The following ABAT variants were observed in gnomAD, a reference collection of about 807,000 sequenced individuals.
ABAT encodes 4-aminobutyrate aminotransferase, mitochondrial.
Under a neutral mutation model 64.6 loss-of-function variants are expected in ABAT, and 45 were observed. That is an observed-to-expected ratio of 0.70 (90% CI 0.55 to 0.89). The LOEUF (loss-of-function observed/expected upper bound fraction) is 0.89, where lower values mean the gene tolerates loss of function less well. Ranked by LOEUF, ABAT falls within the 40% of genes least tolerant of loss-of-function variation. The pLI is 0.00. For synonymous variants in ABAT, 297 were observed against 250.5 expected (o/e 1.19, Z -1.75); for missense variants, 633 against 658.4 (o/e 0.96, Z 0.42).
intron 9 of ABAT, 84 bp downstream of exon 9, chr16:8,766,354 C>A: frequency 7.2e-7 from 1 of 1,398,040 alleles, no homozygotes; most frequent in Non-Finnish European, 1.0e-6. Flanking sequence ...CTGGCACTGT[C>A]CTCAATTAGG....
intron 2 of ABAT, among the ~76,000 whole-genome samples, chr16:8,743,310 G>A (rs1354147515): frequency 1.7e-5 from 1 of 58,804 alleles, no homozygotes; most frequent in African/African-American, 8.2e-5. Context: ...CTATCTGCAT[G>A]TGTGTCTCTG....
chr16:8,711,411 G>A (rs967599903), intron 1 of ABAT, among the ~76,000 whole-genome samples: 8 of 152,152 alleles, frequency 5.3e-5, no homozygotes, highest in East Asian at 1.9e-4. Flanking sequence ...GTCAAATTCC[G>A]TGGCGTGGTG....
chr16:8,763,600 C>T (rs1415848549), intron 6 of ABAT, among the ~76,000 whole-genome samples: 1 of 152,198 alleles, frequency 6.6e-6, no homozygotes, highest in Non-Finnish European at 1.5e-5. Context: ...GAAAAGGTTT[C>T]ACCATGTTGG....
intron 1 of ABAT, among the ~76,000 whole-genome samples, chr16:8,704,523 A>T (rs1358030954): frequency 6.6e-6 from 1 of 152,268 alleles, no homozygotes; most frequent in East Asian, 1.9e-4. Context: ...AAAGGTGGCA[A>T]CAAATAGACG....
At position 8,781,088 on chromosome 16, in the gene ABAT, A is replaced by G. The variant is rs1279173608; in HGVS notation, c.1382-221A>G. 1.3e-5 allele frequency among the ~76,000 whole-genome samples: 2 copies of G among 152,142 alleles called. No homozygotes were observed. Among genetic ancestry groups the G allele is most frequent in the Non-Finnish European group, 2.9e-5 (2 of 68,026 alleles). On this transcript the variant is annotated intron_variant, in intron 15 of 15. Transcript: ENST00000268251. This position sits in a 1 kb window ranked among gnomAD's most constrained non-coding sequence, Gnocchi z 4.5. ...AGGAAGTGTGGAGGGAAGGAAAGGAAGAAGAGAATGATGGAGGAGATGAAT... is the reference window on the plus strand; with the variant it reads ...AGGAAGTGTGGAGGGAAGGAAAGGAGGAAGAGAATGATGGAGGAGATGAAT...
intron 5 of ABAT, among the ~76,000 whole-genome samples, chr16:8,755,753 A>G (rs941363127): frequency 7.6e-5 from 10 of 131,768 alleles, no homozygotes; most frequent in Non-Finnish European, 1.7e-4. Context: ...TCTACTAAAA[A>G]TACAAAAAAA....
At chr16:8,746,702 ACT>A (rs1201616930) in intron 3 of ABAT, among the ~76,000 whole-genome samples, 17 of 150,772 alleles carry the variant, frequency 1.1e-4, no homozygotes, top group Admixed American at 6.6e-5. Context: ...GCAGAGCAAG[ACT>A]CTGTCTCAAA....
intron 11 of ABAT, among the ~76,000 whole-genome samples, chr16:8,771,093 C>T (rs969337483): frequency 6.6e-6 from 1 of 151,970 alleles, no homozygotes; most frequent in African/African-American, 2.4e-5. Flanking sequence ...GTCAGGAGTT[C>T]AAGAGCAGCC....
At chr16:8,703,834 T>G (rs2057880960) in intron 1 of ABAT, among the ~76,000 whole-genome samples, 2 of 152,250 alleles carry the variant, frequency 1.3e-5, no homozygotes, top group African/African-American at 4.8e-5. Context: ...GTGGGCCATG[T>G]GGTTTCTCTT....
chr16:8,746,192 T>C (rs1218784190), intron 3 of ABAT, 94 bp downstream of exon 3: 1 of 914,264 alleles, frequency 1.1e-6, no homozygotes, highest in East Asian at 2.6e-5. Context: ...CTGTATTGAT[T>C]GTCAGCTGCT....
intron 1 of ABAT, among the ~76,000 whole-genome samples, chr16:8,710,055 C>A (rs186364725): frequency 6.6e-6 from 1 of 151,978 alleles, no homozygotes. Context: ...TCAAGGAATC[C>A]GCCCACTTTG....
At chr16:8,738,347 A>G (rs2059044219) in intron 2 of ABAT, 1 of 449,952 alleles carries the variant, frequency 2.2e-6, no homozygotes, top group East Asian at 7.0e-5. Context: ...TTTTAAAGAC[A>G]CTAAGAAACT....
rs149497161 is a variant in ABAT at position 8,687,163 on chromosome 16, C to T, written c.-42+12452C>T. 2.8e-3 allele frequency among the ~76,000 whole-genome samples: 430 copies of T among 152,228 alleles called. 1 individual carries two copies. The highest frequency in any genetic ancestry group is 9.9e-3 in the African/African-American group (410 of 41,538). ...CCTGAGGTGGGGACGCACATCTGGA[C>T]GGAAAGTGTTTGCCGAGAGCACTTG... On this transcript the variant is annotated intron_variant, in intron 1 of 15. Transcript: ENST00000268251.
At chr16:8,679,731 G>A (rs1370642382) in intron 1 of ABAT, among the ~76,000 whole-genome samples, 2 of 151,954 alleles carry the variant, frequency 1.3e-5, no homozygotes, top group Non-Finnish European at 2.9e-5. Flanking sequence ...AAAGGACAGT[G>A]GGGGCTCCTG....
chr16:8,764,188 G>A lies in ABAT; in HGVS notation c.447+39G>A. 6.5e-7 allele frequency: 1 copy of A among 1,548,926 alleles called. No individual in the cohort carries two copies. On this transcript the variant is annotated intron_variant, in intron 7 of 15. Coordinates refer to ENST00000268251, the MANE Select transcript of ABAT (RefSeq NM_020686.6). This position sits in a 1 kb window ranked among gnomAD's most constrained non-coding sequence, Gnocchi z 4.2. Reference sequence around the variant, plus strand: ...AAGCAATCCCATTGTCTTCAGACGTGGTACTGGCAGGGGAAGGGAAAAGTG... The same window carrying A: ...AAGCAATCCCATTGTCTTCAGACGTAGTACTGGCAGGGGAAGGGAAAAGTG...
chr16:8,709,285 CATCT>C (rs982999979), intron 1 of ABAT, among the ~76,000 whole-genome samples: 1 of 151,486 alleles, frequency 6.6e-6, no homozygotes, highest in Non-Finnish European at 1.5e-5. Context: ...AGATTAATTT[CATCT>C]GTTTCTTTTC....
In ABAT at chr16:8,776,547, C is replaced by T. The variant is rs1344587916; in HGVS notation, c.1269+57C>T. The stretch of plus-strand genomic sequence containing the variant: ...ACCCATGGCTCCCCGCAGCAGCCTC[C>T]GGGGCAACACTGGAGCTCTTCGGCA... On this transcript the variant is annotated intron_variant, in intron 14 of 15. Coordinates refer to ENST00000268251, the MANE Select transcript of ABAT (RefSeq NM_020686.6). This position sits in a 1 kb window ranked among gnomAD's most constrained non-coding sequence, Gnocchi z 4.4. 1.9e-5 allele frequency: 29 copies of T among 1,507,068 alleles called. No individual in the cohort carries two copies. The highest frequency in any genetic ancestry group is 2.8e-5 in the African/African-American group (2 of 72,290). The allele number at this position is 1,507,068 out of a possible 1,614,324, so 93.4% of individuals were successfully genotyped here.
chr16:8,735,129 G>A (rs553820798), intron 1 of ABAT, among the ~76,000 whole-genome samples: 4 of 143,846 alleles, frequency 2.8e-5, no homozygotes, highest in African/African-American at 1.0e-4. Context: ...AACCGAGATC[G>A]AGCCACTGCA....
intron 2 of ABAT, among the ~76,000 whole-genome samples, chr16:8,743,791 C>T (rs2059251228): frequency 6.6e-6 from 1 of 150,542 alleles, no homozygotes; most frequent in Admixed American, 6.7e-5. Flanking sequence ...ATAAAGTGTC[C>T]ACTGATTCCC....
Sources: gnomAD v4.1 joint callset for allele counts (sites outside exome capture counted in the v4.1 genomes callset) on GRCh38, gnomAD v4.1.1 for gene constraint, Gnocchi (gnomAD v3.1) non-coding constraint, MANE v1.5 for transcripts, NCBI Gene and HGNC (gene_info 2026-07-23, HGNC 2026-07-21) for gene names.